RAP1GAP2: variants seen among roughly 807,000 people sequenced by gnomAD.
RAP1GAP2 encodes RAP1 GTPase activating protein 2, also known as rap1 GTPase-activating protein 2.
Under a neutral mutation model 95.0 loss-of-function variants are expected in RAP1GAP2, and 27 were observed. The observed-to-expected ratio is 0.28, with a 90% CI of 0.21 to 0.39. RAP1GAP2 has a LOEUF of 0.39. Ranked by LOEUF, RAP1GAP2 falls within the 10% of genes least tolerant of loss-of-function variation. RAP1GAP2 has a pLI of 1.00. For synonymous variants in RAP1GAP2, 373 were observed against 380.9 expected (o/e 0.98, Z 0.24); for missense variants, 771 against 970.0 (o/e 0.79, Z 2.72).
chr17:2,776,737 G>C, upstream of RAP1GAP2, among the ~76,000 whole-genome samples: 1 of 149,608 alleles, frequency 6.7e-6, no homozygotes, highest in South Asian at 2.1e-4. Flanking sequence ...GGGCGGTGGC[G>C]GCTGCGGAGG....
chr17:2,893,717 C>T (rs1234467673), intron 2 of RAP1GAP2, among the ~76,000 whole-genome samples: 2 of 152,184 alleles, frequency 1.3e-5, no homozygotes, highest in African/African-American at 2.4e-5. Flanking sequence ...CTGCTCCCCC[C>T]ATGGAGGCCA....
intron 3 of RAP1GAP2, among the ~76,000 whole-genome samples, chr17:2,939,202 G>A (rs1448224706): frequency 6.6e-6 from 1 of 152,002 alleles, no homozygotes. Flanking sequence ...GTGATCCTCT[G>A]CCTCACTCCC....
chr17:2,872,768 T>A (rs554176685), intron 2 of RAP1GAP2, among the ~76,000 whole-genome samples: 1 of 152,090 alleles, frequency 6.6e-6, no homozygotes, highest in Non-Finnish European at 1.5e-5. Flanking sequence ...ACTGCAGCTT[T>A]GACCTCCTGG....
At chr17:2,854,367 G>T (rs1029874561) in intron 2 of RAP1GAP2, among the ~76,000 whole-genome samples, 17 of 152,196 alleles carry the variant, frequency 1.1e-4, no homozygotes, top group Admixed American at 1.0e-3. Flanking sequence ...CAAGTCCGTC[G>T]CCCCCAGACC....
At chr17:2,955,626 G>A (rs1174392432) in intron 3 of RAP1GAP2, among the ~76,000 whole-genome samples, 1 of 152,124 alleles carries the variant, frequency 6.6e-6, no homozygotes, top group Admixed American at 6.6e-5. Flanking sequence ...TTCTTTAAAC[G>A]TTTGGTAGAA....
intron 10 of RAP1GAP2, 111 bp from the exon 11 acceptor site, chr17:2,984,872 T>A: frequency 6.5e-7 from 1 of 1,532,472 alleles, no homozygotes; most frequent in African/African-American, 1.4e-5. Flanking sequence ...GGATGTTTCA[T>A]ACCAGGGAAC....
At chr17:2,911,259 G>GCTTTTTTTTTTTTT (rs1448395526) in intron 3 of RAP1GAP2, among the ~76,000 whole-genome samples, 1 of 110,646 alleles carries the variant, frequency 9.0e-6, no homozygotes, top group African/African-American at 4.5e-5. Context: ...TTTTGAAGGG[G>GCTTTTTTTTTTTTT]ATTTTTTTTT....
chr17:2,760,292 CAAAAAAAA>C (rs374784170), intron 1 of RAP1GAP2, among the ~76,000 whole-genome samples: 1 of 59,270 alleles, frequency 1.7e-5, no homozygotes, highest in African/African-American at 6.2e-5. Flanking sequence ...GACTCTGTCT[CAAAAAAAA>C]AAAAAAAAAA....
At chr17:2,938,856 G>A (rs936224394) in intron 3 of RAP1GAP2, among the ~76,000 whole-genome samples, 19 of 151,858 alleles carry the variant, frequency 1.3e-4, no homozygotes, top group Admixed American at 5.2e-4. Flanking sequence ...GTATGGTGGC[G>A]GGTGCCTGTA....
At chr17:2,802,591 A>T (rs1283813736) in intron 2 of RAP1GAP2, among the ~76,000 whole-genome samples, 1 of 152,108 alleles carries the variant, frequency 6.6e-6, no homozygotes, top group African/African-American at 2.4e-5. Flanking sequence ...GGCACCTGTA[A>T]TCCCAGCTAC....
In RAP1GAP2 at chr17:2,796,469, G is replaced by A. The variant is rs1382755826; in HGVS notation, c.-59G>A. The A allele has an allele frequency of 6.5e-7, 1 of 1,545,714 alleles. No homozygotes were observed. The highest frequency in any genetic ancestry group is 8.8e-7 in the Non-Finnish European group (1 of 1,142,572). On this transcript the variant is annotated 5_prime_UTR_variant, in exon 1 of 25. Transcript: ENST00000254695. The surrounding 1 kb of genome is among the most constrained non-coding windows in gnomAD (Gnocchi z 4.7). ...CCCGCTGTACCACGGCCCTCTTGCG[G>A]ACAGCCCCGGGGACGTCGTTGGGAC...
intron 1 of RAP1GAP2, among the ~76,000 whole-genome samples, chr17:2,779,067 G>A (rs887292256): frequency 2.6e-5 from 4 of 152,192 alleles, no homozygotes; most frequent in African/African-American, 7.2e-5. Flanking sequence ...AAGGCCCAGC[G>A]TGGCCTGACA....
intron 2 of RAP1GAP2, among the ~76,000 whole-genome samples, chr17:2,897,877 T>C (rs2041891866): frequency 1.3e-5 from 2 of 150,640 alleles, no homozygotes; most frequent in Non-Finnish European, 1.5e-5. Flanking sequence ...AACCCTGGGA[T>C]TGAAGTAGGG....
chr17:2,886,356 A>T (rs2073506108), intron 2 of RAP1GAP2, among the ~76,000 whole-genome samples: 1 of 151,826 alleles, frequency 6.6e-6, no homozygotes, highest in Non-Finnish European at 1.5e-5. Context: ...TATTTTTAGT[A>T]GAGATGAGGT....
intron 2 of RAP1GAP2, among the ~76,000 whole-genome samples, chr17:2,853,723 C>T (rs1385064277): frequency 6.8e-6 from 1 of 146,112 alleles, no homozygotes; most frequent in Non-Finnish European, 1.5e-5. Context: ...AGCCGCCGGC[C>T]CGGGCCGCGC....
At chr17:2,887,074 G>GTT (rs112392825) in intron 2 of RAP1GAP2, among the ~76,000 whole-genome samples, 9 of 146,896 alleles carry the variant, frequency 6.1e-5, no homozygotes, top group Non-Finnish European at 9.0e-5. Context: ...ACGAATAATA[G>GTT]TTTTTTTTTT....
chr17:3,013,940 G>A (rs2046661768), intron 17 of RAP1GAP2, among the ~76,000 whole-genome samples: 1 of 151,648 alleles, frequency 6.6e-6, no homozygotes, highest in Non-Finnish European at 1.5e-5. Context: ...CTGTTACACA[G>A]GAGTTACTAT....
chr17:2,890,773 C>T (rs1324824965), intron 2 of RAP1GAP2, among the ~76,000 whole-genome samples: 1 of 151,746 alleles, frequency 6.6e-6, no homozygotes, highest in Non-Finnish European at 1.5e-5. Context: ...CAAGCTCCGC[C>T]TCCTGGGTTC....
intron 8 of RAP1GAP2, among the ~76,000 whole-genome samples, chr17:2,972,437 A>C (rs1251133389): frequency 6.6e-6 from 1 of 152,108 alleles, no homozygotes; most frequent in Non-Finnish European, 1.5e-5. Context: ...CACGACCAAC[A>C]TGAGTGAAAC....
Sources: allele counts gnomAD v4.1 joint callset (sites outside exome capture counted in the v4.1 genomes callset), GRCh38; gene constraint gnomAD v4.1.1; non-coding constraint Gnocchi (gnomAD v3.1); transcripts MANE v1.5; gene names NCBI Gene and HGNC (gene_info 2026-07-23, HGNC 2026-07-21).